CIMIP2B: variants seen among roughly 807,000 people sequenced by gnomAD.
CIMIP2B encodes ciliary microtubule inner protein 2B.
the CIMIP2B span, chr9:35,562,496 T>C: frequency 6.3e-7 from 1 of 1,579,704 alleles, no homozygotes; most frequent in African/African-American, 1.3e-5. Flanking sequence ...CTGCCCAAAT[T>C]CCTGCAGTGC....
chr9:35,563,042 A>G, the CIMIP2B span: 46 of 1,613,862 alleles, frequency 2.9e-5, no homozygotes, highest in Middle Eastern at 3.3e-4. Context: ...ACCTGGCTGC[A>G]GTTCTTGGCA....
chr9:35,562,043 C>G, the CIMIP2B span: 3 of 1,535,224 alleles, frequency 2.0e-6, no homozygotes, highest in Non-Finnish European at 2.6e-6. Flanking sequence ...TGCTGAGGCC[C>G]AGAGCATCAT....
chr9:35,563,450 A>T, the CIMIP2B span: 1 of 1,302,708 alleles, frequency 7.7e-7, no homozygotes, highest in Admixed American at 2.0e-5. Context: ...CAGAGGCAGA[A>T]GCGGAGACCT....
chr9:35,563,321 A>G, the CIMIP2B span: 8 of 1,613,860 alleles, frequency 5.0e-6, no homozygotes, highest in South Asian at 1.1e-5. Context: ...GCCTCGAAGT[A>G]GCTGACCAGT....
the CIMIP2B span, chr9:35,562,332 A>T: frequency 2.2e-6 from 1 of 455,060 alleles, no homozygotes. Context: ...CCATACCCAT[A>T]CAAACAAACA....
the CIMIP2B span, chr9:35,562,114 C>T: frequency 2.7e-6 from 4 of 1,506,798 alleles, no homozygotes; most frequent in Non-Finnish European, 3.6e-6. Flanking sequence ...CCAAGAGAGT[C>T]TGTCACATGT....
chr9:35,562,398 A>AGTT, the CIMIP2B span: 27 of 1,500,790 alleles, frequency 1.8e-5, no homozygotes, highest in Non-Finnish European at 2.2e-5. Context: ...TAGCCCCCAT[A>AGTT]GTTAGGTAAA....
chr9:35,563,239 C>T, the CIMIP2B span: 1 of 1,614,012 alleles, frequency 6.2e-7, no homozygotes, highest in Non-Finnish European at 8.5e-7. Flanking sequence ...CCCTGGGAAC[C>T]TCAGGAGATC....
the CIMIP2B span, chr9:35,562,054 G>A: frequency 1.6e-5 from 25 of 1,535,690 alleles, no homozygotes; most frequent in Admixed American, 7.9e-5. Context: ...AGAGCATCAT[G>A]GGTGAGATGG....
At chr9:35,562,644 C>A in the CIMIP2B span, 1 of 1,613,348 alleles carries the variant, frequency 6.2e-7, no homozygotes, top group Non-Finnish European at 8.5e-7. Context: ...CCCCCCAGCT[C>A]TCACCTGACA....
the CIMIP2B span, chr9:35,561,905 CTT>C: frequency 1.3e-6 from 1 of 772,770 alleles, no homozygotes; most frequent in African/African-American, 1.7e-5. Context: ...ACCATTTTCT[CTT>C]TGTGTTCCCC....
At chr9:35,563,227 C>G in the CIMIP2B span, 2 of 1,614,038 alleles carry the variant, frequency 1.2e-6, no homozygotes, top group Non-Finnish European at 1.7e-6. Flanking sequence ...CAGGTAGACT[C>G]TCCCTGGGAA....
the CIMIP2B span, chr9:35,561,923 TC>T: frequency 8.0e-6 from 1 of 125,538 alleles, no homozygotes; most frequent in Middle Eastern, 2.9e-3. Flanking sequence ...TCCCCCACCC[TC>T]CCACCCTCCC....
At chr9:35,562,349 T>C in the CIMIP2B span, 1 of 1,403,680 alleles carries the variant, frequency 7.1e-7, no homozygotes, top group South Asian at 1.5e-5. Flanking sequence ...AACATTCCAG[T>C]CCCCAAAGCC....
the CIMIP2B span, chr9:35,562,988 G>C: frequency 1.2e-6 from 2 of 1,613,922 alleles, no homozygotes; most frequent in South Asian, 1.1e-5. Flanking sequence ...TCACTCCCTT[G>C]CTTTTCATGC....
chr9:35,561,920 C>CCTT, the CIMIP2B span: 2 of 121,676 alleles, frequency 1.6e-5, no homozygotes, highest in South Asian at 4.9e-5. Flanking sequence ...TGTTCCCCCA[C>CCTT]CCTCCCACCC....
the CIMIP2B span, chr9:35,563,282 T>G: frequency 1.2e-6 from 2 of 1,613,936 alleles, no homozygotes; most frequent in South Asian, 2.2e-5. Flanking sequence ...AAGTGTGCGG[T>G]GGACAGGGGG....
At chr9:35,563,676 C>T in the CIMIP2B span, 1 of 1,259,744 alleles carries the variant, frequency 7.9e-7, no homozygotes, top group Non-Finnish European at 1.1e-6. Context: ...ACCAACCTGT[C>T]CGCTTGGCCC....
the CIMIP2B span, chr9:35,563,530 G>T: frequency 1.3e-6 from 1 of 772,606 alleles, no homozygotes; most frequent in Non-Finnish European, 2.1e-6. Context: ...TTCTCTGCCT[G>T]GGCTTTCGAT....
Sources: allele counts gnomAD v4.1 joint callset, GRCh38; gene constraint gnomAD v4.1.1; transcripts MANE v1.5; gene names NCBI Gene and HGNC (gene_info 2026-07-23, HGNC 2026-07-21).